Variants in PKD1L1 observed in about 807,000 individuals in gnomAD.
PKD1L1 encodes the protein polycystin-1-like protein 1.
Under a neutral mutation model 323.4 loss-of-function variants are expected in PKD1L1, and 236 were observed. The observed-to-expected ratio is 0.73, with a 90% confidence interval of 0.66 to 0.81. The LOEUF (loss-of-function observed/expected upper bound fraction) is 0.81, where lower values mean the gene tolerates loss of function less well. Among genes scored for constraint, PKD1L1 ranks in the 40% least tolerant of loss-of-function variants. The probability of loss-of-function intolerance (pLI) is 0.00; values close to 1 mark genes in which losing one functional copy is unlikely to be tolerated. For synonymous variants in PKD1L1, 1,344 were observed against 1,335.0 expected (o/e 1.01, Z -0.15); for missense variants, 3,320 against 3,508.0 (o/e 0.95, Z 1.35).
At chr7:47,919,965 G>A (rs1377381371) in intron 7 of PKD1L1, among the ~76,000 whole-genome samples, 1 of 152,226 alleles carries the variant, frequency 6.6e-6, no homozygotes, top group East Asian at 1.9e-4. Flanking sequence ...ACAAGACAAG[G>A]ATGCCCACTG....
Position 47,847,040 on chromosome 7 carries a change from A to G in PKD1L1, c.4992T>C (p.Asp1664=). 1 of 1,606,644 alleles carries G rather than the reference A, an allele frequency of 6.2e-7. No homozygotes were observed. The highest frequency in any genetic ancestry group is 1.3e-5 in the African/African-American group (1 of 74,614). The change falls in exon 32 of 57, where the codon GAT becomes GAC. Residue 1664 remains aspartate, a synonymous_variant. Coordinates refer to ENST00000289672, the MANE Select transcript of PKD1L1 (RefSeq NM_138295.5). The part of the protein sequence containing the change: ...DASVGYLSLL[D]ADYDRKPPNR... ...TTGGAGGTTTTCTGTCATAGTCAGC[A>G]TCCAATAAGGATAAATAGCCTACAC...
chr7:47,893,487 G>A (rs1014183997), intron 15 of PKD1L1, among the ~76,000 whole-genome samples: 4 of 152,120 alleles, frequency 2.6e-5, no homozygotes, highest in Non-Finnish European at 5.9e-5. Context: ...GGCGGGAAGC[G>A]GTGTGGATGG....
chr7:47,882,788 C>T (rs909683772), intron 19 of PKD1L1, among the ~76,000 whole-genome samples: 2 of 152,138 alleles, frequency 1.3e-5, no homozygotes, highest in African/African-American at 4.8e-5. Context: ...CCTGAGTGCC[C>T]TAGGAAGCCA....
chr7:47,867,872 A>G (rs1303337396), intron 24 of PKD1L1, among the ~76,000 whole-genome samples: 1 of 152,234 alleles, frequency 6.6e-6, no homozygotes, highest in Non-Finnish European at 1.5e-5. Context: ...GAAAGAATCT[A>G]GAAACTTGAA....
rs1786785554 is a variant in PKD1L1, at chr7:47,890,412, T to C, written c.2675+130A>G. The C allele has an allele frequency of 3.4e-6, 3 of 869,578 alleles. No homozygotes were observed. In the East Asian group the frequency reaches 7.9e-5, roughly 23 times the overall value. The allele number at this position is 869,578 out of a possible 1,614,324, so 53.9% of individuals were successfully genotyped here. On this transcript the variant is annotated intron_variant, in intron 16 of 56. Transcript: ENST00000289672. ...TCTGAACAGTCTTCTCCTCCTCCTT[T>C]GCAGTGAGAATCCTGCATGGCCAAA...
rs181784251 is a variant in PKD1L1, at chr7:47,887,758, T to A, written c.2836+232A>T. Among the ~76,000 whole-genome samples the A allele has an allele frequency of 1.6e-4, 24 of 152,270 alleles. No individual in the cohort carries two copies. In the East Asian group the frequency reaches 3.5e-3, roughly 22 times the overall value. ...CAGGTGTTGGGCGCAGCCTTCCATATCACACTGAGGTCAGAAGCAGCCCTT... is the reference window on the plus strand; with the variant it reads ...CAGGTGTTGGGCGCAGCCTTCCATAACACACTGAGGTCAGAAGCAGCCCTT... On this transcript the variant is annotated intron_variant, in intron 17 of 56. Coordinates refer to ENST00000289672, the MANE Select transcript of PKD1L1 (RefSeq NM_138295.5).
At position 47,844,991 on chromosome 7, in the gene PKD1L1, T is replaced by G. The variant is rs763902230; in HGVS notation, c.5237+4A>C. 32 of 1,611,148 alleles carry G rather than the reference T, an allele frequency of 2.0e-5. No individual in the cohort carries two copies. The highest frequency in any genetic ancestry group is 2.7e-5 in the Non-Finnish European group (32 of 1,177,930). The stretch of plus-strand genomic sequence containing the variant: ...GAAGTCTTTATGTAGGAAATGGAAC[T>G]TACCTCTGTAGCTTGGAAATGTCAC... On this transcript the variant is annotated splice_donor_region_variant and intron_variant, in intron 33 of 56. Coordinates refer to ENST00000289672, the MANE Select transcript of PKD1L1 (RefSeq NM_138295.5).
At chr7:47,851,471 A>G (rs919582027) in intron 31 of PKD1L1, among the ~76,000 whole-genome samples, 51 of 152,134 alleles carry the variant, frequency 3.4e-4, no homozygotes, top group African/African-American at 1.1e-3. Flanking sequence ...CAAGAGTAAG[A>G]CAGAGAGAGA....
Position 47,792,759 on chromosome 7 carries a change from T to G in PKD1L1, c.8394A>C (p.Glu2798Asp). The G allele has an allele frequency of 6.2e-7, 1 of 1,613,972 alleles. No homozygotes were observed. The highest frequency in any genetic ancestry group is 8.5e-7 in the Non-Finnish European group (1 of 1,179,960). ...YLDEFANLLD[E>D]LLMKINGLSD... ...ACAAACCATTAATCTTCATCAGAAG[T>G]TCGTCTAACAGATTTGCAAATTCAT... The change falls in exon 56 of 57, where the codon GAA becomes GAC. Residue 2798 changes from glutamate to aspartate, a missense_variant. Transcript: ENST00000289672.
At chr7:47,959,547 A>G in the PKD1L1 span, among the ~76,000 whole-genome samples, 2 of 135,582 alleles carry the variant, frequency 1.5e-5, no homozygotes, top group South Asian at 2.4e-4. Flanking sequence ...GTCTCTGCCC[A>G]GCCGCCCCGT....
chr7:47,780,270 C>T (rs1231374161), intron 56 of PKD1L1, among the ~76,000 whole-genome samples: 1 of 152,204 alleles, frequency 6.6e-6, no homozygotes, highest in Non-Finnish European at 1.5e-5. Context: ...TCCTTCCTCA[C>T]CGTCTTTTCA....
intron 19 of PKD1L1, among the ~76,000 whole-genome samples, chr7:47,884,245 G>T (rs919666605): frequency 6.6e-6 from 1 of 152,126 alleles, no homozygotes; most frequent in African/African-American, 2.4e-5. Flanking sequence ...GAGAGAAATG[G>T]AGCCAGACCT....
intron 4 of PKD1L1, 148 bp from the exon 5 acceptor site, chr7:47,932,204 G>A: frequency 7.7e-7 from 1 of 1,301,994 alleles, no homozygotes; most frequent in Non-Finnish European, 1.0e-6. Context: ...TGGGAGTCAG[G>A]CCCAGGCTGA....
At chr7:47,821,740 T>C (rs1785146040) in intron 45 of PKD1L1, among the ~76,000 whole-genome samples, 1 of 150,988 alleles carries the variant, frequency 6.6e-6, no homozygotes, top group Admixed American at 6.6e-5. Flanking sequence ...TAGACTGGAG[T>C]GCAGTGGCAC....
chr7:47,875,630 A>G (rs1302084774), intron 23 of PKD1L1, among the ~76,000 whole-genome samples: 1 of 152,222 alleles, frequency 6.6e-6, no homozygotes, highest in East Asian at 1.9e-4. Context: ...GAACAGGGTC[A>G]GAGCAGAAAG....
chr7:47,916,598 A>ATGTGCTGGT (rs1787433248), intron 7 of PKD1L1, among the ~76,000 whole-genome samples: 1 of 152,160 alleles, frequency 6.6e-6, no homozygotes, highest in Admixed American at 6.5e-5. Context: ...AGACACCCCA[A>ATGTGCTGGT]ATACTGTGCT....
chr7:47,822,786 G>A (rs961565025), intron 45 of PKD1L1, among the ~76,000 whole-genome samples: 3 of 152,150 alleles, frequency 2.0e-5, no homozygotes, highest in Middle Eastern at 3.4e-3. Context: ...TCCTGCACAC[G>A]TTTTCTTAGA....
intron 52 of PKD1L1, among the ~76,000 whole-genome samples, chr7:47,804,695 G>A (rs907320292): frequency 6.6e-6 from 1 of 151,938 alleles, no homozygotes; most frequent in Non-Finnish European, 1.5e-5. Flanking sequence ...ATGTTGCTCA[G>A]GCTGGTCTTG....
At chr7:47,868,084 A>T (rs968613166) in intron 24 of PKD1L1, among the ~76,000 whole-genome samples, 3 of 152,214 alleles carry the variant, frequency 2.0e-5, no homozygotes, top group Non-Finnish European at 4.4e-5. Context: ...CAAGAACACA[A>T]AGTCTAGGCG....
Sources: gnomAD v4.1 joint callset for allele counts (sites outside exome capture counted in the v4.1 genomes callset) on GRCh38, gnomAD v4.1.1 for gene constraint, MANE v1.5 for transcripts, NCBI Gene and HGNC (gene_info 2026-07-23, HGNC 2026-07-21) for gene names.